OASL: variants seen among roughly 807,000 people sequenced by gnomAD.
OASL encodes the protein 2'-5'-oligoadenylate synthetase like, also known as 2'-5'-oligoadenylate synthase-like protein.
A neutral mutation model predicts 35.3 loss-of-function variants in OASL; 28 were observed. That is an observed-to-expected ratio of 0.79 (90% CI 0.59 to 1.09). OASL has a LOEUF of 1.09. OASL is among the 50% of genes least tolerant of loss of function. The probability of loss-of-function intolerance (pLI) is 0.00; values close to 1 mark genes in which losing one functional copy is unlikely to be tolerated. For missense variants in OASL, 620 were observed against 635.2 expected (o/e 0.98, Z 0.26); for synonymous variants, 252 against 254.6 (o/e 0.99, Z 0.10).
At chr12:121,020,923 G>A in exon 6 of OASL, 1 of 1,614,224 alleles carries the variant, frequency 6.2e-7, no homozygotes, top group Non-Finnish European at 8.5e-7. Context: ...TGGAAGGACA[G>A]ACGCTGCAGG....
chr12:121,023,281 T>C lies in OASL; in HGVS notation c.1047+709A>G, dbSNP rs1321067308. On this transcript the variant is annotated intron_variant, in intron 5 of 5. Transcript: ENST00000257570. ...TCTGAGAGTGAGGGTGGTGTCTTTT[T>C]TTTTTCTTTTTTTCTTTTTTTTTTG... Among the ~76,000 whole-genome samples, 9 of 91,292 alleles carry C rather than the reference T, an allele frequency of 9.9e-5. No individual in the cohort carries two copies. The Admixed American group carries it at 1.4e-3, about 15-fold the overall frequency. 59.9% of individuals were successfully genotyped at this position (91,292 alleles called of 152,430 possible).
intron 1 of OASL, among the ~76,000 whole-genome samples, chr12:121,036,108 C>T (rs1869946874): frequency 6.6e-6 from 1 of 152,166 alleles, no homozygotes; most frequent in Non-Finnish European, 1.5e-5. Flanking sequence ...AGCAATCCTC[C>T]CACCTTGGCC....
exon 1 of OASL, chr12:121,039,227 G>C (rs1442086245): frequency 1.9e-6 from 1 of 516,594 alleles, no homozygotes; most frequent in Admixed American, 3.2e-5. Context: ...ACCTTAACAG[G>C]CTGGCCGTCT....
At chr12:121,019,141 A>G (rs1869139122) in exon 6 of OASL, 1 of 152,174 alleles carries the variant, frequency 6.6e-6, no homozygotes, top group Non-Finnish European at 1.5e-5. Context: ...TTTATTTTAA[A>G]CAAGAATTTT....
chr12:121,031,341 A>G (rs969271133), intron 3 of OASL, 101 bp downstream of exon 3: 4 of 1,201,624 alleles, frequency 3.3e-6, no homozygotes, highest in African/African-American at 3.0e-5. Flanking sequence ...ACCTGCTTCC[A>G]TTTCCCCTGG....
In OASL at chr12:121,028,154, T is replaced by C. The variant is rs548894301; in HGVS notation, c.658-337A>G. ...TTTAATGTATTGAGCTGCTGAGAAA[T>C]GTTTCTTAAAAGAAAGGAAAGGTTT... On this transcript the variant is annotated intron_variant, in intron 3 of 5. Transcript: ENST00000257570. 1.4e-4 allele frequency among the ~76,000 whole-genome samples: 21 copies of C among 152,274 alleles called. No homozygotes were observed. In the South Asian group the frequency reaches 4.4e-3, roughly 32 times the overall value.
chr12:121,034,048 CT>C (rs1048482597), intron 1 of OASL, among the ~76,000 whole-genome samples: 35 of 152,274 alleles, frequency 2.3e-4, no homozygotes, highest in African/African-American at 8.4e-4. Flanking sequence ...ATATGAGTCA[CT>C]GGGCTACTGG....
At chr12:121,037,783 A>T (rs184650053) in intron 1 of OASL, among the ~76,000 whole-genome samples, 4,430 of 123,820 alleles carry the variant, frequency 0.036, 221 homozygotes, top group African/African-American at 0.12. Flanking sequence ...AAAAAAAAAA[A>T]CAAAAACAAA....
At chr12:121,031,903 T>C (rs148431420) in intron 2 of OASL, among the ~76,000 whole-genome samples, 2 of 151,866 alleles carry the variant, frequency 1.3e-5, no homozygotes, top group East Asian at 1.9e-4. Flanking sequence ...TCAATACTCA[T>C]AGGGAGGCCG....
At chr12:121,034,927 T>A (rs982199691) in intron 1 of OASL, among the ~76,000 whole-genome samples, 1 of 151,934 alleles carries the variant, frequency 6.6e-6, no homozygotes, top group Non-Finnish European at 1.5e-5. Context: ...CGAGAAGGGA[T>A]TTTTCGATGT....
intron 5 of OASL, among the ~76,000 whole-genome samples, chr12:121,023,506 T>G (rs1003432609): frequency 6.6e-6 from 1 of 152,050 alleles, no homozygotes; most frequent in Non-Finnish European, 1.5e-5. Context: ...GCCGGGCTGG[T>G]CTTGAACTCC....
chr12:121,028,821 T>C (rs927786908), intron 3 of OASL, among the ~76,000 whole-genome samples: 5 of 152,054 alleles, frequency 3.3e-5, no homozygotes, highest in African/African-American at 1.2e-4. Flanking sequence ...TCCCAGCACC[T>C]TGGGAGGCCG....
intron 5 of OASL, among the ~76,000 whole-genome samples, chr12:121,022,408 C>T (rs188209203): frequency 6.6e-6 from 1 of 152,024 alleles, no homozygotes; most frequent in Admixed American, 6.6e-5. Flanking sequence ...TTAGTAGAGA[C>T]GGGGTTTCAC....
At chr12:121,021,198 T>C in intron 5 of OASL, 140 bp from the exon 6 acceptor site, 2 of 795,436 alleles carry the variant, frequency 2.5e-6, no homozygotes, top group East Asian at 5.4e-5. Flanking sequence ...TGGTAAGCAC[T>C]TTCCAGGCTG....
intron 1 of OASL, among the ~76,000 whole-genome samples, chr12:121,038,081 T>C (rs189018679): frequency 2.1e-5 from 3 of 145,278 alleles, no homozygotes; most frequent in African/African-American, 7.5e-5. Context: ...AGCGAGACCC[T>C]GTCTCTAAAA....
chr12:121,036,992 G>A (rs1215546138), intron 1 of OASL, among the ~76,000 whole-genome samples: 3 of 152,260 alleles, frequency 2.0e-5, no homozygotes, highest in Middle Eastern at 3.4e-3. Context: ...AGGAAGAAGC[G>A]AAGAGTCTGT....
At chr12:121,025,405 A>G (rs1296654507) in intron 4 of OASL, among the ~76,000 whole-genome samples, 1 of 152,234 alleles carries the variant, frequency 6.6e-6, no homozygotes, top group East Asian at 1.9e-4. Context: ...ATTTTAAAGA[A>G]TATTGGCTTG....
chr12:121,020,947 T>A, exon 6 of OASL: 15 of 1,614,214 alleles, frequency 9.3e-6, no homozygotes, highest in Non-Finnish European at 1.3e-5. Context: ...GAGTAGCCCC[T>A]GGTCCTCCGG....
chr12:121,035,566 A>G (rs1340874283), intron 1 of OASL, among the ~76,000 whole-genome samples: 2 of 150,634 alleles, frequency 1.3e-5, no homozygotes, highest in African/African-American at 2.4e-5. Flanking sequence ...CACTTCCTGT[A>G]TTGAGGTGGG....
Sources: gnomAD v4.1 joint callset for allele counts (sites outside exome capture counted in the v4.1 genomes callset) on GRCh38, gnomAD v4.1.1 for gene constraint, MANE v1.5 for transcripts, NCBI Gene and HGNC (gene_info 2026-07-23, HGNC 2026-07-21) for gene names.